The following MITF variants were observed in gnomAD, a reference collection of about 807,000 sequenced individuals.
MITF encodes the protein microphthalmia-associated transcription factor.
A neutral mutation model predicts 60.5 loss-of-function variants in MITF; 17 were observed. The observed-to-expected ratio is 0.28, with a 90% CI of 0.19 to 0.42. The LOEUF is 0.42. Ranked by LOEUF, MITF falls within the 10% of genes least tolerant of loss-of-function variation. The pLI is 1.00. For missense variants in MITF, 622 were observed against 683.5 expected, an observed-to-expected ratio of 0.91 and a Z score of 1.00; for synonymous variants, 260 against 248.5, an observed-to-expected ratio of 1.05 and a Z score of -0.43.
intron 1 of MITF, among the ~76,000 whole-genome samples, chr3:69,791,471 CA>C (rs1390355554): frequency 6.6e-6 from 1 of 152,060 alleles, no homozygotes; most frequent in Non-Finnish European, 1.5e-5. Flanking sequence ...ATTTTGCAAG[CA>C]AAAACAACCA....
At chr3:69,886,313 C>T (rs566058894) in intron 2 of MITF, among the ~76,000 whole-genome samples, 4 of 152,196 alleles carry the variant, frequency 2.6e-5, no homozygotes, top group South Asian at 2.1e-4. Context: ...TCCTTGACAA[C>T]GTGGATATTA....
chr3:69,811,641 C>A (rs1266299190), intron 1 of MITF, among the ~76,000 whole-genome samples: 2 of 152,230 alleles, frequency 1.3e-5, no homozygotes, highest in Non-Finnish European at 2.9e-5. Flanking sequence ...AACATTCAGT[C>A]AAAGCCTGCC....
chr3:69,766,843 C>G (rs2062304504), intron 1 of MITF, among the ~76,000 whole-genome samples: 1 of 152,170 alleles, frequency 6.6e-6, no homozygotes, highest in Non-Finnish European at 1.5e-5. Flanking sequence ...TTTAGTGCAT[C>G]AGGCTCCCAT....
intron 1 of MITF, among the ~76,000 whole-genome samples, chr3:69,797,703 A>G (rs1484348769): frequency 6.6e-6 from 1 of 152,152 alleles, no homozygotes; most frequent in Non-Finnish European, 1.5e-5. Context: ...GAATAATACG[A>G]TTCCCCAAGG....
chr3:69,921,894 T>C (rs2065475562), intron 2 of MITF, among the ~76,000 whole-genome samples: 1 of 152,176 alleles, frequency 6.6e-6, no homozygotes, highest in Non-Finnish European at 1.5e-5. Context: ...TTGTGCATCG[T>C]AGGATGTTTA....
chr3:69,914,364 C>T (rs559605367), intron 2 of MITF, among the ~76,000 whole-genome samples: 87 of 152,228 alleles, frequency 5.7e-4, no homozygotes, highest in African/African-American at 1.9e-3. Context: ...TCAGGTGATC[C>T]GCCTCCCTCG....
intron 5 of MITF, among the ~76,000 whole-genome samples, chr3:69,947,821 GTA>G (rs1315146145): frequency 2.6e-5 from 4 of 152,082 alleles, no homozygotes; most frequent in Admixed American, 2.6e-4. Flanking sequence ...AATTCATAGA[GTA>G]TATGTTTAGA....
At chr3:69,854,071 A>AACTCCTGACCTCGT (rs959960484) in intron 1 of MITF, among the ~76,000 whole-genome samples, 2 of 151,966 alleles carry the variant, frequency 1.3e-5, no homozygotes, top group African/African-American at 4.8e-5. Flanking sequence ...GCTGGTCTCG[A>AACTCCTGACCTCGT]ACTCCTGACC....
At chr3:69,866,788 C>T (rs2064123523) in intron 1 of MITF, among the ~76,000 whole-genome samples, 1 of 151,172 alleles carries the variant, frequency 6.6e-6, no homozygotes, top group South Asian at 2.1e-4. Flanking sequence ...TGTCCAAACT[C>T]TCCCATTGTA....
intron 1 of MITF, among the ~76,000 whole-genome samples, chr3:69,743,236 C>T (rs933154748): frequency 1.1e-4 from 17 of 152,142 alleles, no homozygotes; most frequent in Admixed American, 6.5e-4. Context: ...TCAGACATCC[C>T]GTGGTAGGCA....
intron 1 of MITF, among the ~76,000 whole-genome samples, chr3:69,818,962 A>G (rs565117356): frequency 6.6e-6 from 1 of 152,314 alleles, no homozygotes; most frequent in South Asian, 2.1e-4. Flanking sequence ...AGAGGACTGA[A>G]GTGTTTAAAA....
At chr3:69,795,667 A>T (rs13078066) in intron 1 of MITF, among the ~76,000 whole-genome samples, 52,434 of 151,974 alleles carry the variant, frequency 0.35, 9,928 homozygotes, top group Non-Finnish European at 0.42. Context: ...TTGAGGCTGC[A>T]GTGAGCCCTC....
intron 1 of MITF, among the ~76,000 whole-genome samples, chr3:69,800,285 A>G (rs546953744): frequency 1.6e-4 from 24 of 152,304 alleles, no homozygotes; most frequent in Middle Eastern, 3.4e-3. Flanking sequence ...TTTTATGGTC[A>G]TTCCTTTTTA....
chr3:69,781,087 T>C (rs916176260), intron 1 of MITF, among the ~76,000 whole-genome samples: 10 of 152,152 alleles, frequency 6.6e-5, no homozygotes, highest in African/African-American at 1.9e-4. Flanking sequence ...TTTTTTTTTT[T>C]AGTAGTAACT....
At chr3:69,922,380 C>T (rs1414490464) in intron 2 of MITF, among the ~76,000 whole-genome samples, 2 of 152,114 alleles carry the variant, frequency 1.3e-5, no homozygotes, top group African/African-American at 4.8e-5. Flanking sequence ...TGCCACCACA[C>T]CCAGCTAATT....
intron 2 of MITF, among the ~76,000 whole-genome samples, chr3:69,892,868 A>T (rs914611252): frequency 2.0e-5 from 3 of 152,188 alleles, no homozygotes; most frequent in Admixed American, 2.0e-4. Flanking sequence ...ATCAAGAGAA[A>T]GTGTTTTTCT....
chr3:69,951,578 T>A (rs2066255544), intron 6 of MITF, among the ~76,000 whole-genome samples: 1 of 151,978 alleles, frequency 6.6e-6, no homozygotes, highest in African/African-American at 2.4e-5. Context: ...TTACCAGGGT[T>A]TTTTTTTACC....
intron 1 of MITF, among the ~76,000 whole-genome samples, chr3:69,771,084 GATTTT>G (rs1292626230): frequency 1.3e-5 from 2 of 152,102 alleles, no homozygotes; most frequent in Non-Finnish European, 2.9e-5. Flanking sequence ...TCAGAAACTT[GATTTT>G]ATGTAGGTGG....
At chr3:69,802,305 C>T (rs1050794796) in intron 1 of MITF, among the ~76,000 whole-genome samples, 3 of 152,126 alleles carry the variant, frequency 2.0e-5, no homozygotes, top group African/African-American at 7.2e-5. Flanking sequence ...AAATGTCAAT[C>T]GTGCCAAGGC....
Sources: allele counts gnomAD v4.1 joint callset (sites outside exome capture counted in the v4.1 genomes callset), GRCh38; gene constraint gnomAD v4.1.1; transcripts MANE v1.5; gene names NCBI Gene and HGNC (gene_info 2026-07-23, HGNC 2026-07-21).